IFI44: variants seen among roughly 807,000 people sequenced by gnomAD.
IFI44 encodes interferon-induced protein 44.
Under a neutral mutation model 45.0 loss-of-function variants are expected in IFI44, and 42 were observed. The ratio of observed to expected loss-of-function variants is 0.93; its 90% confidence interval spans 0.73 to 1.21. IFI44 has a LOEUF of 1.21. Ranked by LOEUF, IFI44 falls within the 50% of genes most tolerant of loss-of-function variation. The probability of loss-of-function intolerance (pLI) is 0.00; values close to 1 mark genes in which losing one functional copy is unlikely to be tolerated. For synonymous variants in IFI44, 221 were observed against 188.6 expected (o/e 1.17, Z -1.41); for missense variants, 623 against 525.8 (o/e 1.18, Z -1.81).
chr1:78,663,305 C>T, intron 8 of IFI44: 2 of 985,244 alleles, frequency 2.0e-6, no homozygotes, highest in South Asian at 9.4e-5. Context: ...CTTTCTTTGA[C>T]TTGCCTTTTT....
At chr1:78,660,771 A>G (rs536879408) in intron 7 of IFI44, 117 bp downstream of exon 7, 232 of 745,702 alleles carry the variant, frequency 3.1e-4, no homozygotes, top group Non-Finnish European at 5.1e-4. Flanking sequence ...TTACAAAATT[A>G]CTTAAATAGG....
chr1:78,662,864 C>G lies in IFI44; in HGVS notation c.1274C>G (p.Pro425Arg), dbSNP rs762413117. ...WAADDFLEDLPFEQIGNLREE... is the reference protein window; with the variant it reads ...WAADDFLEDLRFEQIGNLREE... ...GCAGATGACTTCTTAGAGGATTTGC[C>G]TTTTGAGCAAATAGGTAGATGGTTT... Residue 425 changes from proline (P) to arginine (R), a missense_variant, in exon 8 of 9, where the codon CCT becomes CGT. Pro to Arg is a moderately radical substitution (Grantham distance 103, BLOSUM62 -2). Transcript: ENST00000370747. The G allele has an allele frequency of 6.2e-7, 1 of 1,600,954 alleles. No individual in the cohort carries two copies. The highest frequency in any genetic ancestry group is 1.1e-5 in the South Asian group (1 of 90,452).
chr1:78,658,373 A>C (rs1647278788), intron 5 of IFI44, among the ~76,000 whole-genome samples: 1 of 152,298 alleles, frequency 6.6e-6, no homozygotes, highest in African/African-American at 2.4e-5. Context: ...GGAAACAATT[A>C]AAACATTTTA....
intron 2 of IFI44, among the ~76,000 whole-genome samples, chr1:78,651,824 T>C (rs889104763): frequency 6.6e-6 from 1 of 152,166 alleles, no homozygotes; most frequent in African/African-American, 2.4e-5. Context: ...CTTATTTCAC[T>C]TAGCATAATA....
chr1:78,655,050 T>C lies in IFI44; in HGVS notation c.531T>C (p.Tyr177=), dbSNP rs750301448. 7 of 1,613,766 alleles carry C rather than the reference T, an allele frequency of 4.3e-6. No individual in the cohort carries two copies. The highest frequency in any genetic ancestry group is 4.0e-5 in the African/African-American group (3 of 74,928). The change falls in exon 4 of 9, where the codon TAT becomes TAC. Residue 177 remains tyrosine (Y), a synonymous_variant. Coordinates refer to ENST00000370747, the MANE Select transcript of IFI44 (RefSeq NM_006417.5). The stretch of plus-strand genomic sequence containing the variant: ...GCTTACTGTCTGCCTTGAGAACTTA[T>C]GAACCATATGGATCCCTGGTTCAAC... The part of the protein sequence containing the change: ...RKSLLSALRT[Y]EPYGSLVQQI...
At chr1:78,654,138 G>C (rs1647167587) in intron 2 of IFI44, 105 bp from the exon 3 acceptor site, 2 of 732,288 alleles carry the variant, frequency 2.7e-6, no homozygotes, top group African/African-American at 1.8e-5. Context: ...TCATGGAAAG[G>C]CTATTTTTGT....
chr1:78,656,292 C>A (rs1331131077), intron 5 of IFI44, among the ~76,000 whole-genome samples: 1 of 152,048 alleles, frequency 6.6e-6, no homozygotes. Flanking sequence ...AAGGGGAGAT[C>A]AAAAAACCAT....
At chr1:78,662,631 T>C in intron 7 of IFI44, 73 bp from the exon 8 acceptor site, 1 of 1,215,924 alleles carries the variant, frequency 8.2e-7, no homozygotes, top group Non-Finnish European at 1.2e-6. Context: ...TTGATATTGC[T>C]TTCATAATTT....
At position 78,654,742 on chromosome 1, in the gene IFI44, A is replaced by G. The variant is rs372411436; in HGVS notation, c.495-272A>G. Among the ~76,000 whole-genome samples, 56 of 152,010 alleles carry G rather than the reference A, an allele frequency of 3.7e-4. 2 individuals carry two copies. The South Asian group carries it at 0.011, about 30-fold the overall frequency. ...GTTTAGTCTTAAATAATTGATCTTT[A>G]TGTTTAAAACAGCTATTACTTATCT... On this transcript the variant is annotated intron_variant, in intron 3 of 8. Coordinates refer to ENST00000370747, the MANE Select transcript of IFI44 (RefSeq NM_006417.5).
chr1:78,650,283 G>GTCCATGGATTCC lies in IFI44; in HGVS notation c.88_89insTCCATGGATTCC (p.Gly30delinsValHisGlyPheArg), dbSNP rs1557697659. 4.3e-6 allele frequency: 7 copies of GTCCATGGATTCC among 1,613,998 alleles called. No individual in the cohort carries two copies. The highest frequency in any genetic ancestry group is 8.5e-7 in the Non-Finnish European group (1 of 1,179,960). On this transcript the variant is annotated protein_altering_variant, in exon 2 of 9. Coordinates refer to ENST00000370747, the MANE Select transcript of IFI44 (RefSeq NM_006417.5). ...GAAGCGGCTTAGCCTTCTCTATAAG[G>GTCCATGGATTCC]GTAGTGTCCATGGATTCCGTAATGG...
In IFI44 at chr1:78,650,588, A is replaced by T. The variant is rs781280690; in HGVS notation, c.393A>T (p.Glu131Asp). 2 of 1,611,780 alleles carry T rather than the reference A, an allele frequency of 1.2e-6. No homozygotes were observed. Among genetic ancestry groups the T allele is most frequent in the South Asian group, 2.2e-5 (2 of 90,444 alleles). ...RKVIMDLKTM[E>D]NLGLAQNCTI... Reference sequence around the variant, plus strand: ...TGATTATGGACTTAAAGACAATGGAAAATCTTGGACTTGCTCAAAATTGTA... The same window carrying T: ...TGATTATGGACTTAAAGACAATGGATAATCTTGGACTTGCTCAAAATTGTA... Residue 131 changes from glutamate to aspartate, a missense_variant, in exon 2 of 9, where the codon GAA becomes GAT. Transcript: ENST00000370747.
At chr1:78,661,900 G>A (rs1647478949) in intron 7 of IFI44, among the ~76,000 whole-genome samples, 1 of 152,158 alleles carries the variant, frequency 6.6e-6, no homozygotes, top group Admixed American at 6.6e-5. Context: ...GGGAAATGTG[G>A]AGTTCAGGTT....
rs201304230 is a variant in IFI44, at chr1:78,650,632, A to T, written c.437A>T (p.Tyr146Phe). The T allele has an allele frequency of 6.3e-7, 1 of 1,589,832 alleles. No individual in the cohort carries two copies. Among genetic ancestry groups the T allele is most frequent in the Middle Eastern group, 1.7e-4 (1 of 5,836 alleles). ...AATTGTACTATCTCTATTCAGGATTATGAAGTTTTTCGATGCGAAGGTAGG... is the reference window on the plus strand; with the variant it reads ...AATTGTACTATCTCTATTCAGGATTTTGAAGTTTTTCGATGCGAAGGTAGG... The part of the protein sequence containing the change: ...AQNCTISIQD[Y>F]EVFRCEDSLD... Residue 146 changes from tyrosine to phenylalanine, a missense_variant, in exon 2 of 9, where the codon TAT (tyrosine) becomes TTT (phenylalanine). Tyr to Phe is a conservative substitution (Grantham distance 22). Coordinates refer to ENST00000370747, the MANE Select transcript of IFI44 (RefSeq NM_006417.5).
rs112936337 is a variant in IFI44, at chr1:78,652,092, A to AT, written c.457+1451dup. Among the ~76,000 whole-genome samples, 911 of 148,512 alleles carry AT rather than the reference A, an allele frequency of 6.1e-3. 5 individuals carry two copies. The highest frequency in any genetic ancestry group is 0.016 in the African/African-American group (649 of 40,650). ...TGCCCCCTTAATCCATGGAATCTGGATTTTTTTTTTTGAGACAGAGTCTCT... is the reference window on the plus strand; with the variant it reads ...TGCCCCCTTAATCCATGGAATCTGGATTTTTTTTTTTTGAGACAGAGTCTCT... On this transcript the variant is annotated intron_variant, in intron 2 of 8. Coordinates refer to ENST00000370747, the MANE Select transcript of IFI44 (RefSeq NM_006417.5).
At chr1:78,653,711 G>C (rs1389172493) in intron 2 of IFI44, among the ~76,000 whole-genome samples, 3 of 152,086 alleles carry the variant, frequency 2.0e-5, no homozygotes, top group Non-Finnish European at 4.4e-5. Flanking sequence ...TTCTCTTCTG[G>C]GAGCAGGAAT....
At chr1:78,654,120 G>T in intron 2 of IFI44, 123 bp from the exon 3 acceptor site, 2 of 692,342 alleles carry the variant, frequency 2.9e-6, no homozygotes, top group South Asian at 1.5e-5. Flanking sequence ...CACCATACGG[G>T]ACCATTCTCA....
At chr1:78,657,677 G>C (rs1647250846) in intron 5 of IFI44, among the ~76,000 whole-genome samples, 1 of 152,048 alleles carries the variant, frequency 6.6e-6, no homozygotes, top group Non-Finnish European at 1.5e-5. Context: ...AGTTTAAAAA[G>C]AACAACAGGA....
intron 7 of IFI44, chr1:78,660,922 T>A (rs1273792824): frequency 4.6e-6 from 2 of 436,288 alleles, no homozygotes; most frequent in Non-Finnish European, 8.5e-6. Flanking sequence ...CCTATGCACA[T>A]CCTTTGGTAT....
Position 78,659,443 on chromosome 1 carries a change from A to G in IFI44, c.972A>G (p.Ile324Met), listed in dbSNP as rs1358871490. The G allele has an allele frequency of 1.9e-6, 3 of 1,613,440 alleles. No individual in the cohort carries two copies. The highest frequency in any genetic ancestry group is 1.7e-6 in the Non-Finnish European group (2 of 1,179,554). Residue 324 changes from isoleucine to methionine, a missense_variant, in exon 6 of 9, where the codon ATA becomes ATG. Ile to Met is a conservative substitution (Grantham distance 10). Transcript: ENST00000370747. ...TTCAATACTTCTCCTCTCAGATGAT[A>G]GTAAAGATCAAAAGAATTCGAAGGG... is the stretch of plus-strand genomic sequence containing the variant. ...SSIQYFSSQM[I>M]VKIKRIRREL...
Sources: allele counts gnomAD v4.1 joint callset (sites outside exome capture counted in the v4.1 genomes callset), GRCh38; gene constraint gnomAD v4.1.1; transcripts MANE v1.5; gene names NCBI Gene and HGNC (gene_info 2026-07-23, HGNC 2026-07-21).